The following PAFAH1B3 variants were observed in gnomAD, a reference collection of about 807,000 sequenced individuals.
PAFAH1B3 encodes platelet-activating factor acetylhydrolase IB subunit alpha1.
A neutral mutation model predicts 24.4 loss-of-function variants in PAFAH1B3; 15 were observed. The observed-to-expected ratio is 0.62, with a 90% CI of 0.41 to 0.95. The LOEUF (loss-of-function observed/expected upper bound fraction) is 0.95, where lower values mean the gene tolerates loss of function less well. Among genes scored for constraint, PAFAH1B3 ranks in the 40% least tolerant of loss-of-function variants. PAFAH1B3 has a pLI of 0.00. For synonymous variants in PAFAH1B3, 144 were observed against 126.5 expected, an observed-to-expected ratio of 1.14 and a Z score of -0.93; for missense variants, 266 against 312.2, an observed-to-expected ratio of 0.85 and a Z score of 1.12.
chr19:42,302,615 G>T lies in PAFAH1B3; in HGVS notation c.-306C>A, dbSNP rs554696313. On this transcript the variant is annotated 5_prime_UTR_variant, in exon 1 of 5. Coordinates refer to ENST00000262890, the MANE Select transcript of PAFAH1B3 (RefSeq NM_002573.4). ...AGGCCGCGCACCCGGCACGGGGTGG[G>T]GGGAGGGAGAGGCGAGACCATCCAG... 3 of 383,542 alleles carry T rather than the reference G, an allele frequency of 7.8e-6. No homozygotes were observed. Among genetic ancestry groups the T allele is most frequent in the East Asian group, 4.9e-5 (1 of 20,238 alleles). 23.8% of individuals were successfully genotyped at this position (383,542 alleles called of 1,614,324 possible).
chr19:42,300,133 CA>C (rs747831749), intron 3 of PAFAH1B3, 37 bp downstream of exon 3: 2 of 1,613,908 alleles, frequency 1.2e-6, no homozygotes, highest in Non-Finnish European at 1.7e-6. Context: ...AGGGGGCAGC[CA>C]AAAGATGTTT....
chr19:42,297,138 A>T lies in PAFAH1B3; in HGVS notation c.636T>A (p.Leu212=). Residue 212 remains leucine (L), a synonymous_variant, in exon 5 of 5, where the codon CTT becomes CTA. Transcript: ENST00000262890. ...TPVCRALHSL[L]LRLLAQDQGQ... ...CCTGGTCTTGGGCCAGCAGACGCAGAAGCAGGGAGTGCAGAGCCCGGCAAA... is the reference window on the plus strand; with the variant it reads ...CCTGGTCTTGGGCCAGCAGACGCAGTAGCAGGGAGTGCAGAGCCCGGCAAA... 1 of 1,613,132 alleles carries T rather than the reference A, an allele frequency of 6.2e-7. No individual in the cohort carries two copies. Among genetic ancestry groups the T allele is most frequent in the Non-Finnish European group, 8.5e-7 (1 of 1,179,158 alleles).
rs1161574459 is a variant in PAFAH1B3 at position 42,302,395 on chromosome 19, T to C, written c.-86A>G. The C allele has an allele frequency of 2.4e-6, 3 of 1,241,784 alleles. No homozygotes were observed. The highest frequency in any genetic ancestry group is 1.5e-5 in the African/African-American group (1 of 67,154). The allele number at this position is 1,241,784 out of a possible 1,614,324, so 76.9% of individuals were successfully genotyped here. A position where few individuals can be genotyped will look rare whatever the true frequency, so the allele number is the denominator to read the frequency against. ...GAGCTGGCTCCGCCACGCCCACTCC[T>C]ACCCCTCGCGGCAACAAAGGACCGT... On this transcript the variant is annotated 5_prime_UTR_variant, in exon 1 of 5. Coordinates refer to ENST00000262890, the MANE Select transcript of PAFAH1B3 (RefSeq NM_002573.4).
At chr19:42,300,674 C>T (rs542963185) in intron 2 of PAFAH1B3, among the ~76,000 whole-genome samples, 1 of 152,204 alleles carries the variant, frequency 6.6e-6, no homozygotes, top group Non-Finnish European at 1.5e-5. Context: ...TACGCCACCA[C>T]GTCCAGCTAA....
chr19:42,299,641 G>C (rs2038587099), intron 4 of PAFAH1B3, among the ~76,000 whole-genome samples: 3 of 150,812 alleles, frequency 2.0e-5, no homozygotes, highest in Admixed American at 2.0e-4. Flanking sequence ...TGTTAGCCAG[G>C]ATGGTCTTGA....
chr19:42,302,214 C>G lies in PAFAH1B3; in HGVS notation c.78+18G>C. 6.3e-7 allele frequency: 1 copy of G among 1,579,046 alleles called. No homozygotes were observed. On this transcript the variant is annotated intron_variant, in intron 1 of 4. Transcript: ENST00000262890. ...CCGCGCCCCCGGACTCCTCAATATC[C>G]CAGGTGGGAACGCTCACCAGGGACA...
intron 4 of PAFAH1B3, among the ~76,000 whole-genome samples, chr19:42,299,415 C>G (rs2038583841): frequency 6.6e-6 from 1 of 151,748 alleles, no homozygotes. Context: ...CTGCGCCCAG[C>G]CCATGCCCAA....
At chr19:42,297,569 C>T (rs536542668) in intron 4 of PAFAH1B3, among the ~76,000 whole-genome samples, 7 of 150,312 alleles carry the variant, frequency 4.7e-5, no homozygotes, top group African/African-American at 9.8e-5. Flanking sequence ...TACCCTCTTT[C>T]GTTTTCTTTT....
chr19:42,297,617 A>G (rs1399740996), intron 4 of PAFAH1B3, among the ~76,000 whole-genome samples: 6 of 143,816 alleles, frequency 4.2e-5, no homozygotes, highest in Admixed American at 2.9e-4. Context: ...TCTGTCGCCC[A>G]GACTGGAGTG....
At chr19:42,301,896 G>T in intron 2 of PAFAH1B3, 54 bp downstream of exon 2, 2 of 1,418,524 alleles carry the variant, frequency 1.4e-6, no homozygotes, top group Non-Finnish European at 1.9e-6. Context: ...TGGTCCAGAT[G>T]TGTCAGCATG....
At position 42,297,309 on chromosome 19, in the gene PAFAH1B3, C is replaced by G. The variant is rs1188612912; in HGVS notation, c.465G>C (p.Val155=). ...PNPLREKNRQ[V]NELVRAALAG... is the part of the protein sequence containing the mutation. ...CCAGTGCCGCCCGTACCAGCTCGTT[C>G]ACCTGTCGGTTCTTCTCCCGAAGTG... is the stretch of plus-strand genomic sequence containing the variant. Residue 155 remains valine (V), a synonymous_variant, in exon 5 of 5, where the codon GTG becomes GTC. Transcript: ENST00000262890. 5.0e-6 allele frequency: 8 copies of G among 1,613,792 alleles called. No individual in the cohort carries two copies. The highest frequency in any genetic ancestry group is 1.7e-4 in the Middle Eastern group (1 of 6,060).
rs780547610 is a variant in PAFAH1B3 at position 42,300,231 on chromosome 19, G to A, written c.225C>T (p.Asp75=). 7 of 1,614,106 alleles carry A rather than the reference G, an allele frequency of 4.3e-6. 1 individual carries two copies. Among genetic ancestry groups the A allele is most frequent in the South Asian group, 3.3e-5 (3 of 91,090 alleles). The part of the protein sequence containing the change: ...LHALNFGIGG[D]GTQHVLWRLE... The stretch of plus-strand genomic sequence containing the variant: ...GCCGCCACAGTACATGCTGTGTGCC[G>A]TCACCACCAATGCCAAAGTTAAGTG... The change falls in exon 3 of 5, where the codon GAC becomes GAT. Residue 75 remains aspartate (D), a synonymous_variant. Coordinates refer to ENST00000262890, the MANE Select transcript of PAFAH1B3 (RefSeq NM_002573.4).
chr19:42,298,465 TG>T (rs2038570624), intron 4 of PAFAH1B3, among the ~76,000 whole-genome samples: 1 of 152,146 alleles, frequency 6.6e-6, no homozygotes, highest in Admixed American at 6.5e-5. Flanking sequence ...CACTCTGGCC[TG>T]GCAACAGAGC....
In PAFAH1B3 at chr19:42,302,390, A is replaced by G; in HGVS notation, c.-81T>C. The G allele has an allele frequency of 7.8e-7, 1 of 1,276,500 alleles. No individual in the cohort carries two copies. Among genetic ancestry groups the G allele is most frequent in the African/African-American group, 1.5e-5 (1 of 67,686 alleles). The allele number at this position is 1,276,500 out of a possible 1,614,324, so 79.1% of individuals were successfully genotyped here. On this transcript the variant is annotated 5_prime_UTR_variant, in exon 1 of 5. Transcript: ENST00000262890. Reference sequence around the variant, plus strand: ...GAACGGAGCTGGCTCCGCCACGCCCACTCCTACCCCTCGCGGCAACAAAGG... The same window carrying G: ...GAACGGAGCTGGCTCCGCCACGCCCGCTCCTACCCCTCGCGGCAACAAAGG...
In PAFAH1B3 at chr19:42,299,147, G is replaced by A. The variant is rs376590435; in HGVS notation, c.408+823C>T. ...TTTTTTTTTTTTGAGACAGAGTTTC[G>A]CTCCTGTTGCCCAGGCTGGAGTGCA... On this transcript the variant is annotated intron_variant, in intron 4 of 4. Transcript: ENST00000262890. Among the ~76,000 whole-genome samples the A allele has an allele frequency of 1.9e-4, 25 of 128,780 alleles. No homozygotes were observed. The East Asian group carries it at 3.9e-3, about 20-fold the overall frequency. The allele number at this position is 128,780 out of a possible 152,430, so 84.5% of individuals were successfully genotyped here. A position where few individuals can be genotyped will look rare whatever the true frequency, so the allele number is the denominator to read the frequency against.
intron 4 of PAFAH1B3, 117 bp downstream of exon 4, chr19:42,299,853 T>C: frequency 7.6e-7 from 1 of 1,314,866 alleles, no homozygotes; most frequent in Non-Finnish European, 1.1e-6. Context: ...AACGTGAGAT[T>C]CTGCCTAAAA....
intron 2 of PAFAH1B3, among the ~76,000 whole-genome samples, chr19:42,301,397 A>G (rs1470250279): frequency 6.6e-6 from 1 of 152,114 alleles, no homozygotes; most frequent in Non-Finnish European, 1.5e-5. Flanking sequence ...ACCCTGTCTC[A>G]AAAACCAACC....
intron 4 of PAFAH1B3, among the ~76,000 whole-genome samples, chr19:42,299,421 C>A (rs1384064542): frequency 1.3e-5 from 2 of 149,316 alleles, no homozygotes; most frequent in Non-Finnish European, 3.0e-5. Context: ...CCAGCCCATG[C>A]CCAACTAATT....
At chr19:42,299,922 G>T (rs762001559) in intron 4 of PAFAH1B3, 48 bp downstream of exon 4, 61 of 1,610,154 alleles carry the variant, frequency 3.8e-5, no homozygotes, top group Non-Finnish European at 4.8e-5. Context: ...ATCTGAGGGG[G>T]TCCCAGACCA....
Sources: allele counts gnomAD v4.1 joint callset (sites outside exome capture counted in the v4.1 genomes callset), GRCh38; gene constraint gnomAD v4.1.1; transcripts MANE v1.5; gene names NCBI Gene and HGNC (gene_info 2026-07-23, HGNC 2026-07-21).